Variants in RAPH1 observed in about 807,000 individuals in gnomAD.
RAPH1 encodes ras-associated and pleckstrin homology domains-containing protein 1.
RAPH1 carries 18 observed loss-of-function variants against 88.1 expected under a neutral mutation model. The observed-to-expected ratio is 0.20, with a 90% CI of 0.14 to 0.30. The LOEUF (loss-of-function observed/expected upper bound fraction) is 0.30. Ranked by LOEUF, RAPH1 falls within the 10% of genes least tolerant of loss-of-function variation. The pLI is 1.00. For synonymous variants in RAPH1, 587 were observed against 559.0 expected, an observed-to-expected ratio of 1.05 and a Z score of -0.71; for missense variants, 1,448 against 1,543.2, an observed-to-expected ratio of 0.94 and a Z score of 1.03.
At chr2:203,454,377 C>A (rs2098517439) in intron 10 of RAPH1, 53 bp downstream of exon 10, 1 of 1,190,620 alleles carries the variant, frequency 8.4e-7, no homozygotes, top group Non-Finnish European at 1.2e-6. Context: ...TATCCAATAA[C>A]CTGCTCTATG....
At chr2:203,503,093 A>C (rs527719078) in intron 1 of RAPH1, among the ~76,000 whole-genome samples, 1 of 152,140 alleles carries the variant, frequency 6.6e-6, no homozygotes, top group Non-Finnish European at 1.5e-5. Context: ...GCAGTGAGCC[A>C]AGATCCCGCC....
At chr2:203,521,924 G>A (rs977053742) in intron 1 of RAPH1, among the ~76,000 whole-genome samples, 1 of 151,994 alleles carries the variant, frequency 6.6e-6, no homozygotes, top group Non-Finnish European at 1.5e-5. Flanking sequence ...ACATTTATCT[G>A]TGTTGCATAT....
At chr2:203,530,426 C>T (rs1315675309) in intron 1 of RAPH1, among the ~76,000 whole-genome samples, 1 of 152,166 alleles carries the variant, frequency 6.6e-6, no homozygotes, top group Admixed American at 6.5e-5. Context: ...CCCAGGTAAG[C>T]AGTTGCAGCT....
chr2:203,534,522 C>A (rs868606001), intron 1 of RAPH1, among the ~76,000 whole-genome samples: 4 of 109,990 alleles, frequency 3.6e-5, no homozygotes, highest in South Asian at 4.2e-4. Context: ...CCCCCCCCCC[C>A]CCATGAATTG....
At chr2:203,478,104 G>A (rs965247969) in intron 4 of RAPH1, among the ~76,000 whole-genome samples, 4 of 151,052 alleles carry the variant, frequency 2.6e-5, no homozygotes, top group African/African-American at 9.8e-5. Context: ...CACGATCTCA[G>A]CTCATTGCAA....
At chr2:203,499,424 C>CAA (rs922725381) in intron 1 of RAPH1, among the ~76,000 whole-genome samples, 5 of 139,958 alleles carry the variant, frequency 3.6e-5, no homozygotes, top group African/African-American at 7.9e-5. Context: ...TTAACAGCAA[C>CAA]AAAAAAAAAA....
At chr2:203,451,087 A>G (rs2098514490) in intron 10 of RAPH1, among the ~76,000 whole-genome samples, 1 of 152,076 alleles carries the variant, frequency 6.6e-6, no homozygotes, top group Non-Finnish European at 1.5e-5. Context: ...GAACCTCAAA[A>G]CATTTTTTCA....
chr2:203,441,843 C>A, intron 13 of RAPH1: 1 of 1,329,714 alleles, frequency 7.5e-7, no homozygotes, highest in Non-Finnish European at 9.6e-7. Context: ...ATGACTGCAT[C>A]CACATCAAGC....
At chr2:203,523,590 C>T (rs1318794726) in intron 1 of RAPH1, among the ~76,000 whole-genome samples, 1 of 151,956 alleles carries the variant, frequency 6.6e-6, no homozygotes, top group Admixed American at 6.6e-5. Flanking sequence ...TGGAAATATA[C>T]TTTCTGAACT....
rs60650703 is a variant in RAPH1, at chr2:203,481,568, A to AATATAT, written c.732+8010_732+8015dup. On this transcript the variant is annotated intron_variant, in intron 4 of 13. Coordinates refer to ENST00000319170, the MANE Select transcript of RAPH1 (RefSeq NM_213589.3). ...AGCCCCTATTCATTTTAAATAGATGAATATATATATATATATATATATATA... is the reference window on the plus strand; with the variant it reads ...AGCCCCTATTCATTTTAAATAGATGAATATATATATATATATATATATATATATATA... Among the ~76,000 whole-genome samples, 1,025 of 138,054 alleles carry AATATAT rather than the reference A, an allele frequency of 7.4e-3. 9 individuals are homozygous for AATATAT. The highest frequency in any genetic ancestry group is 0.028 in the East Asian group (132 of 4,744). The allele number at this position is 138,054 out of a possible 152,430, so 90.6% of individuals were successfully genotyped here.
intron 4 of RAPH1, among the ~76,000 whole-genome samples, chr2:203,488,588 T>TTA (rs1553626729): frequency 0.047 from 1,726 of 36,666 alleles, 36 homozygotes; most frequent in Non-Finnish European, 0.068. Flanking sequence ...CTCCGTCTAT[T>TTA]AAAAAAAAAA....
At chr2:203,488,582 G>A (rs766250790) in intron 4 of RAPH1, among the ~76,000 whole-genome samples, 13 of 79,510 alleles carry the variant, frequency 1.6e-4, no homozygotes, top group East Asian at 8.4e-4. Context: ...ATGAGACTCC[G>A]TCTATTAAAA....
intron 4 of RAPH1, among the ~76,000 whole-genome samples, chr2:203,462,630 ATAACT>A (rs952347763): frequency 1.3e-5 from 2 of 152,212 alleles, no homozygotes; most frequent in African/African-American, 4.8e-5. Flanking sequence ...GATTTTCCAA[ATAACT>A]TAAAATTTCT....
chr2:203,527,652 T>C (rs1022411370), intron 1 of RAPH1, among the ~76,000 whole-genome samples: 33 of 151,678 alleles, frequency 2.2e-4, no homozygotes, highest in African/African-American at 7.3e-4. Flanking sequence ...TACAAAAAAT[T>C]AGCCGGGCGT....
At chr2:203,534,688 T>TG (rs1369390722) in intron 1 of RAPH1, among the ~76,000 whole-genome samples, 1 of 152,162 alleles carries the variant, frequency 6.6e-6, no homozygotes, top group Non-Finnish European at 1.5e-5. Context: ...CTATGAAAGA[T>TG]GGGGGCATCG....
chr2:203,440,173 G>A lies in RAPH1; in HGVS notation c.3017C>T (p.Pro1006Leu), dbSNP rs139573176. 7.6e-5 allele frequency: 122 copies of A among 1,613,772 alleles called. No individual in the cohort carries two copies. Among genetic ancestry groups the A allele is most frequent in the African/African-American group, 1.9e-4 (14 of 75,008 alleles). ...SVDSLVSKFT[P>L]PAESGSPSKE... is the part of the protein sequence containing the mutation. ...GCTGGGAGACCCTGATTCTGCTGGC[G>A]GTGTAAACTTGCTGACTAGACTGTC... The change falls in exon 14 of 14, where the codon CCG becomes CTG. Residue 1006 changes from proline to leucine, a missense_variant. By Grantham distance (98) the Pro-to-Leu change is moderately conservative (BLOSUM62 -3). This residue lies in a region of RAPH1 where 935 missense variants were observed against 890.1 expected (regional missense o/e 1.05). Coordinates refer to ENST00000319170, the MANE Select transcript of RAPH1 (RefSeq NM_213589.3).
chr2:203,454,057 T>C (rs113713217), intron 10 of RAPH1, among the ~76,000 whole-genome samples: 9 of 152,320 alleles, frequency 5.9e-5, no homozygotes, highest in African/African-American at 2.2e-4. Context: ...CAGTGCCCTC[T>C]GATGGTTTGC....
intron 1 of RAPH1, among the ~76,000 whole-genome samples, chr2:203,496,705 A>C (rs757727771): frequency 6.6e-6 from 1 of 152,228 alleles, no homozygotes; most frequent in Non-Finnish European, 1.5e-5. Flanking sequence ...ACTGACTAAA[A>C]TCTGATAAAA....
chr2:203,454,708 A>G (rs569674660), intron 9 of RAPH1, among the ~76,000 whole-genome samples, 168 bp from the exon 10 acceptor site: 15 of 152,330 alleles, frequency 9.8e-5, no homozygotes, highest in African/African-American at 3.4e-4. Flanking sequence ...TTTCTTCTTT[A>G]ATCATTAACG....
Sources: allele counts gnomAD v4.1 joint callset (sites outside exome capture counted in the v4.1 genomes callset), GRCh38; gene constraint gnomAD v4.1.1; regional missense constraint gnomAD v4.1.1; transcripts MANE v1.5; gene names NCBI Gene and HGNC (gene_info 2026-07-23, HGNC 2026-07-21).